CADM2: variants seen among roughly 807,000 people sequenced by gnomAD.
CADM2 encodes the protein immunoglobulin superfamily member 4D.
In CADM2, 12 loss-of-function variants were observed where a neutral mutation model predicts 49.8. The observed-to-expected ratio is 0.24, with a 90% CI of 0.15 to 0.39. The LOEUF (loss-of-function observed/expected upper bound fraction) is 0.39, where lower values mean the gene tolerates loss of function less well. CADM2 is among the 10% of genes least tolerant of loss of function. CADM2 has a pLI of 1.00. For synonymous variants in CADM2, 214 were observed against 175.4 expected (o/e 1.22, Z -1.74); for missense variants, 378 against 492.3 (o/e 0.77, Z 2.20).
chr3:85,791,400 A>T (rs906988490), intron 2 of CADM2, among the ~76,000 whole-genome samples: 1 of 152,002 alleles, frequency 6.6e-6, no homozygotes, highest in South Asian at 2.1e-4. Context: ...GTGCATTTAG[A>T]TATATTTTTA....
At chr3:84,986,165 C>T (rs930561672) in intron 1 of CADM2, among the ~76,000 whole-genome samples, 24 of 152,200 alleles carry the variant, frequency 1.6e-4, no homozygotes, top group African/African-American at 5.5e-4. Flanking sequence ...ATAGTTACTG[C>T]AGTTTAAGTG....
intron 8 of CADM2, among the ~76,000 whole-genome samples, chr3:85,963,879 TA>T (rs1725151519): frequency 6.6e-6 from 1 of 151,826 alleles, no homozygotes; most frequent in South Asian, 2.1e-4. Flanking sequence ...AAGCATCCCA[TA>T]GATTAATGCT....
chr3:85,012,719 TAAC>T (rs2034055497), intron 1 of CADM2, among the ~76,000 whole-genome samples: 1 of 150,998 alleles, frequency 6.6e-6, no homozygotes, highest in Non-Finnish European at 1.5e-5. Flanking sequence ...TATAGGAAAA[TAAC>T]AATATTATAT....
intron 8 of CADM2, chr3:86,013,333 A>G: frequency 1.3e-6 from 2 of 1,544,186 alleles, no homozygotes; most frequent in Non-Finnish European, 1.8e-6. Context: ...AACAAAGAAT[A>G]CCTAAAATCT....
chr3:85,895,640 A>G (rs1260488923), intron 5 of CADM2, among the ~76,000 whole-genome samples: 1 of 152,200 alleles, frequency 6.6e-6, no homozygotes, highest in Non-Finnish European at 1.5e-5. Flanking sequence ...TGTAGCTCCC[A>G]TAATTCTCAG....
rs148697625 is a variant in CADM2 at position 85,320,435 on chromosome 3, C to T, written c.61+360767C>T. Among the ~76,000 whole-genome samples the T allele has an allele frequency of 1.9e-3, 284 of 152,232 alleles. 1 individual carries two copies. The highest frequency in any genetic ancestry group is 6.3e-3 in the African/African-American group (261 of 41,532). On this transcript the variant is annotated intron_variant, in intron 1 of 9. Transcript: ENST00000383699. ...TCTCATAGATTTCGGGTAGTTTTCACGTAACGCAAGCTACAGTATGAAAGT... is the reference window on the plus strand; with the variant it reads ...TCTCATAGATTTCGGGTAGTTTTCATGTAACGCAAGCTACAGTATGAAAGT...
intron 1 of CADM2, among the ~76,000 whole-genome samples, chr3:85,537,622 ATGACTATTTAACATGTC>A: frequency 2.4e-5 from 1 of 42,492 alleles, no homozygotes; most frequent in African/African-American, 3.8e-5. Flanking sequence ...TTAACATGTC[ATGACTATTTAACATGTC>A]TATTTTAACA....
At chr3:85,993,374 T>C (rs1221531041) in intron 8 of CADM2, 1 of 152,160 alleles carries the variant, frequency 6.6e-6, no homozygotes. Flanking sequence ...TCTTGCTATT[T>C]TTACCATATC....
intron 1 of CADM2, among the ~76,000 whole-genome samples, chr3:85,648,634 A>G (rs1329829020): frequency 3.3e-5 from 5 of 152,048 alleles, no homozygotes; most frequent in South Asian, 4.1e-4. Context: ...GAAGTTTTAT[A>G]GGAATGCTGT....
At chr3:85,805,244 A>G (rs918237742) in intron 3 of CADM2, among the ~76,000 whole-genome samples, 6 of 152,110 alleles carry the variant, frequency 3.9e-5, no homozygotes, top group Non-Finnish European at 7.4e-5. Context: ...GTGCCGGGCC[A>G]GGACTGACTT....
chr3:85,697,606 G>T lies in CADM2; in HGVS notation c.62-28916G>T, dbSNP rs180925289. 2.6e-3 allele frequency among the ~76,000 whole-genome samples: 399 copies of T among 152,244 alleles called. 4 individuals are homozygous for T. Among genetic ancestry groups the T allele is most frequent in the African/African-American group, 9.3e-3 (388 of 41,556 alleles). On this transcript the variant is annotated intron_variant, in intron 1 of 9. Transcript: ENST00000383699. ...TGTATGATTCTGGATGCTATAAAGT[G>T]ATTATTTGTTGGTGTGGTAGTAAAT... is the stretch of plus-strand genomic sequence containing the variant.
intron 1 of CADM2, among the ~76,000 whole-genome samples, chr3:85,136,255 A>C (rs186083126): frequency 1.3e-5 from 2 of 151,998 alleles, no homozygotes; most frequent in African/African-American, 2.4e-5. Flanking sequence ...TGGTAATAAG[A>C]AGCTGATAGT....
intron 1 of CADM2, among the ~76,000 whole-genome samples, chr3:85,658,024 T>C (rs1479909318): frequency 2.0e-5 from 3 of 152,088 alleles, no homozygotes; most frequent in African/African-American, 7.2e-5. Context: ...GGGGATTCAT[T>C]GAAAATTCTT....
At chr3:85,910,058 A>G (rs886693704) in intron 5 of CADM2, among the ~76,000 whole-genome samples, 7 of 152,196 alleles carry the variant, frequency 4.6e-5, no homozygotes, top group Admixed American at 6.5e-5. Context: ...TAGTTCATTA[A>G]AATTTTATGA....
At chr3:85,434,826 A>C (rs2036851316) in intron 1 of CADM2, among the ~76,000 whole-genome samples, 1 of 152,056 alleles carries the variant, frequency 6.6e-6, no homozygotes, top group Non-Finnish European at 1.5e-5. Flanking sequence ...GGTTAATGTG[A>C]CCCGTTTAAA....
chr3:85,799,753 A>G (rs2071879068), intron 2 of CADM2, among the ~76,000 whole-genome samples: 1 of 152,188 alleles, frequency 6.6e-6, no homozygotes, highest in Non-Finnish European at 1.5e-5. Context: ...TCCTTCCTGT[A>G]GAAGCTTCAT....
intron 1 of CADM2, among the ~76,000 whole-genome samples, chr3:85,603,526 C>T (rs1253641985): frequency 6.6e-6 from 1 of 151,914 alleles, no homozygotes; most frequent in African/African-American, 2.4e-5. Context: ...AACTTGCTTG[C>T]TGTTACTGAA....
chr3:84,969,711 A>G (rs1483586492), intron 1 of CADM2, among the ~76,000 whole-genome samples: 1 of 151,906 alleles, frequency 6.6e-6, no homozygotes, highest in Non-Finnish European at 1.5e-5. Flanking sequence ...ACAGAAATGC[A>G]CCCCAAGAAA....
In CADM2 at chr3:85,775,713, T is replaced by C. The variant is rs368880294; in HGVS notation, c.89-26334T>C. On this transcript the variant is annotated intron_variant, in intron 2 of 9. Transcript: ENST00000383699. ...TTACAAGATTACTAGAGGTTGATCTTCCATTATTTCAGTTATATACAATCT... is the reference window on the plus strand; with the variant it reads ...TTACAAGATTACTAGAGGTTGATCTCCCATTATTTCAGTTATATACAATCT... 2.4e-4 allele frequency among the ~76,000 whole-genome samples: 37 copies of C among 151,948 alleles called. No homozygotes were observed. The East Asian group carries it at 4.6e-3, about 19-fold the overall frequency.
Sources: allele counts gnomAD v4.1 joint callset (sites outside exome capture counted in the v4.1 genomes callset), GRCh38; gene constraint gnomAD v4.1.1; transcripts MANE v1.5; gene names NCBI Gene and HGNC (gene_info 2026-07-23, HGNC 2026-07-21).